CCSER1: variants seen among roughly 807,000 people sequenced by gnomAD.
The protein encoded by CCSER1 is coiled-coil serine rich protein 1, also known as serine-rich coiled-coil domain-containing protein 1.
In CCSER1, 41 loss-of-function variants were observed where a neutral mutation model predicts 82.0. The ratio of observed to expected loss-of-function variants is 0.50; its 90% CI spans 0.39 to 0.65. The LOEUF (loss-of-function observed/expected upper bound fraction) is 0.65, where lower values mean the gene tolerates loss of function less well. Ranked by LOEUF, CCSER1 falls within the 30% of genes least tolerant of loss-of-function variation. The pLI, the probability that CCSER1 is intolerant of heterozygous loss-of-function variation, is 0.00. For synonymous variants in CCSER1, 414 were observed against 383.9 expected, an observed-to-expected ratio of 1.08 and a Z score of -0.92; for missense variants, 1,119 against 1,064.2, an observed-to-expected ratio of 1.05 and a Z score of -0.72.
At chr4:90,760,667 T>G (rs1580344768) in intron 7 of CCSER1, among the ~76,000 whole-genome samples, 1 of 152,094 alleles carries the variant, frequency 6.6e-6, no homozygotes, top group Non-Finnish European at 1.5e-5. Context: ...AGGAACCAAA[T>G]AGTCTAGTGA....
At chr4:90,213,984 T>G (rs1578529150) in intron 1 of CCSER1, among the ~76,000 whole-genome samples, 1 of 152,070 alleles carries the variant, frequency 6.6e-6, no homozygotes, top group East Asian at 1.9e-4. Flanking sequence ...AGGAGAGGGA[T>G]TAAGGAATTT....
chr4:90,432,874 G>C (rs377008360), intron 4 of CCSER1, among the ~76,000 whole-genome samples: 1 of 152,062 alleles, frequency 6.6e-6, no homozygotes, highest in East Asian at 1.9e-4. Context: ...GATTTCTGGG[G>C]AAGTATATTC....
At chr4:90,137,567 C>T (rs1723922346) in intron 1 of CCSER1, among the ~76,000 whole-genome samples, 1 of 152,062 alleles carries the variant, frequency 6.6e-6, no homozygotes, top group Non-Finnish European at 1.5e-5. Flanking sequence ...TAGAAAGTAC[C>T]CAGCCTCAGA....
At chr4:91,230,392 A>C (rs1560531760) in intron 10 of CCSER1, among the ~76,000 whole-genome samples, 1 of 152,214 alleles carries the variant, frequency 6.6e-6, no homozygotes, top group Non-Finnish European at 1.5e-5. Flanking sequence ...TAGATAAAAT[A>C]TAAGGGTTGA....
At position 90,738,505 on chromosome 4, in the gene CCSER1, G is replaced by A. The variant is rs182385583; in HGVS notation, c.2010+14514G>A. On this transcript the variant is annotated intron_variant, in intron 7 of 10. Coordinates refer to ENST00000509176, the MANE Select transcript of CCSER1 (RefSeq NM_001145065.2). ...ACTATTTTGGGTTGTCAAGAGCTGG[G>A]GAAGTGTGATACAAGCACCCCTGTT... Among the ~76,000 whole-genome samples, 312 of 152,178 alleles carry A rather than the reference G, an allele frequency of 2.1e-3. 3 individuals are homozygous for A. Among genetic ancestry groups the A allele is most frequent in the Admixed American group, 0.019 (284 of 15,288 alleles).
chr4:91,519,010 T>G (rs971850193), intron 10 of CCSER1, among the ~76,000 whole-genome samples: 2 of 152,042 alleles, frequency 1.3e-5, no homozygotes, highest in African/African-American at 4.8e-5. Context: ...AGCCTGATGG[T>G]AGTTAGAGTG....
chr4:90,389,908 C>T (rs1750695749), intron 3 of CCSER1, among the ~76,000 whole-genome samples: 1 of 152,106 alleles, frequency 6.6e-6, no homozygotes, highest in Non-Finnish European at 1.5e-5. Flanking sequence ...GCAATGCTCT[C>T]ATAAAGGTAA....
At chr4:91,499,411 A>T (rs1191987749) in intron 10 of CCSER1, among the ~76,000 whole-genome samples, 1 of 151,936 alleles carries the variant, frequency 6.6e-6, no homozygotes, top group Non-Finnish European at 1.5e-5. Flanking sequence ...GTGCACAGCC[A>T]CCCCACTGTG....
chr4:90,514,372 A>G (rs1482052168), intron 5 of CCSER1, among the ~76,000 whole-genome samples: 1 of 152,212 alleles, frequency 6.6e-6, no homozygotes, highest in Non-Finnish European at 1.5e-5. Flanking sequence ...ATTTCTTTAA[A>G]TAATTATAGA....
chr4:91,386,945 A>C (rs538746044), intron 10 of CCSER1, among the ~76,000 whole-genome samples: 18 of 152,152 alleles, frequency 1.2e-4, no homozygotes, highest in Admixed American at 4.6e-4. Flanking sequence ...AATGTTCCAG[A>C]TTTATGGGGA....
intron 10 of CCSER1, among the ~76,000 whole-genome samples, chr4:91,228,128 TTGAG>T (rs1163827774): frequency 6.6e-6 from 1 of 151,946 alleles, no homozygotes; most frequent in Non-Finnish European, 1.5e-5. Context: ...AAATCCTAGA[TTGAG>T]TGAGGAAAGG....
At chr4:90,265,997 A>G (rs1009871565) in intron 1 of CCSER1, among the ~76,000 whole-genome samples, 2 of 152,170 alleles carry the variant, frequency 1.3e-5, no homozygotes, top group Non-Finnish European at 2.9e-5. Flanking sequence ...TTGCAGCAAG[A>G]TGTTTAACTG....
intron 10 of CCSER1, chr4:91,129,821 G>T (rs1032671371): frequency 6.6e-6 from 1 of 151,958 alleles, no homozygotes; most frequent in Non-Finnish European, 1.5e-5. Context: ...GAAAATAAAT[G>T]ATTTTGTTTC....
At chr4:90,323,570 T>C (rs559210224) in intron 3 of CCSER1, among the ~76,000 whole-genome samples, 2 of 152,100 alleles carry the variant, frequency 1.3e-5, no homozygotes, top group Admixed American at 6.6e-5. Flanking sequence ...CACTTCACTC[T>C]CCCTCCCACA....
intron 1 of CCSER1, among the ~76,000 whole-genome samples, chr4:90,190,314 GCAT>G (rs1014396168): frequency 6.6e-6 from 1 of 152,060 alleles, no homozygotes; most frequent in Non-Finnish European, 1.5e-5. Context: ...CCTGGGACAG[GCAT>G]TGTACAGAAA....
chr4:90,640,713 T>C (rs780743960), intron 6 of CCSER1, among the ~76,000 whole-genome samples: 1 of 152,136 alleles, frequency 6.6e-6, no homozygotes, highest in African/African-American at 2.4e-5. Context: ...GAGTGAGTTC[T>C]CAGGAGACGT....
chr4:90,370,532 A>C (rs1408764139), intron 3 of CCSER1: 2 of 152,038 alleles, frequency 1.3e-5, no homozygotes, highest in Non-Finnish European at 2.9e-5. Flanking sequence ...TCTCCATTTT[A>C]ATAGTAAAAT....
chr4:90,345,666 T>C (rs186517592), intron 3 of CCSER1, among the ~76,000 whole-genome samples: 25 of 152,220 alleles, frequency 1.6e-4, no homozygotes, highest in African/African-American at 5.8e-4. Context: ...ATTGAACTTA[T>C]GCTAAAGGCA....
intron 10 of CCSER1, among the ~76,000 whole-genome samples, chr4:91,347,862 T>G (rs958791685): frequency 2.6e-4 from 12 of 46,580 alleles, no homozygotes; most frequent in Admixed American, 1.6e-3. Flanking sequence ...GTGCCAGTAG[T>G]TTTTTTTTTG....
Sources: allele counts gnomAD v4.1 joint callset (sites outside exome capture counted in the v4.1 genomes callset), GRCh38; gene constraint gnomAD v4.1.1; transcripts MANE v1.5; gene names NCBI Gene and HGNC (gene_info 2026-07-23, HGNC 2026-07-21).